Variants in PCDHGA7 observed in about 807,000 individuals in gnomAD.
The protein encoded by PCDHGA7 is protocadherin gamma-A7.
A neutral mutation model predicts 58.3 loss-of-function variants in PCDHGA7; 44 were observed. That is an observed-to-expected ratio of 0.75 (90% CI 0.59 to 0.97). PCDHGA7 has a LOEUF of 0.97. Ranked by LOEUF, PCDHGA7 falls within the 50% of genes least tolerant of loss-of-function variation. The pLI is 0.00. For synonymous variants in PCDHGA7, 516 were observed against 504.2 expected (o/e 1.02, Z -0.31); for missense variants, 1,266 against 1,188.7 (o/e 1.06, Z -0.96).
rs756294828 is a variant in PCDHGA7, at chr5:141,417,904, G to A, written c.2424+32581G>A. 2.5e-6 allele frequency: 4 copies of A among 1,591,934 alleles called. No homozygotes were observed. The South Asian group carries it at 3.4e-5, about 13-fold the overall frequency. On this transcript the variant is annotated intron_variant, in intron 1 of 3. Transcript: ENST00000518325. Reference sequence around the variant, plus strand: ...AGAGGCGCCGGGCCGGCCCGCGGCAGGTACTATTTCCTTTGCTGCTGCCTT... The same window carrying A: ...AGAGGCGCCGGGCCGGCCCGCGGCAAGTACTATTTCCTTTGCTGCTGCCTT...
intron 1 of PCDHGA7, chr5:141,399,976 C>A (rs759278103): frequency 1.2e-6 from 2 of 1,612,122 alleles, no homozygotes; most frequent in African/African-American, 2.7e-5. Context: ...CAGCCTGGGG[C>A]TGCGCACAGG....
intron 1 of PCDHGA7, among the ~76,000 whole-genome samples, chr5:141,435,105 G>C (rs1046201852): frequency 2.6e-5 from 4 of 151,940 alleles, no homozygotes; most frequent in African/African-American, 9.7e-5. Flanking sequence ...TATCTAGGGG[G>C]GAGAAATCTA....
At chr5:141,399,911 G>T in intron 1 of PCDHGA7, 1 of 1,612,384 alleles carries the variant, frequency 6.2e-7, no homozygotes. Flanking sequence ...GCAGACTCAG[G>T]ACACAACGCC....
At chr5:141,410,849 C>CTTGTTTTTTTTTTTTTTT (rs2095431880) in intron 1 of PCDHGA7, 1 of 129,786 alleles carries the variant, frequency 7.7e-6, no homozygotes, top group African/African-American at 6.0e-5. Context: ...TTGTCTTTGT[C>CTTGTTTTTTTTTTTTTTT]TTTTTTTTTT....
At chr5:141,467,393 T>C (rs1409255781) in intron 1 of PCDHGA7, among the ~76,000 whole-genome samples, 3 of 152,124 alleles carry the variant, frequency 2.0e-5, no homozygotes, top group African/African-American at 7.2e-5. Flanking sequence ...TTTTAAGTCA[T>C]AGTTAGAAAG....
intron 1 of PCDHGA7, among the ~76,000 whole-genome samples, chr5:141,457,465 A>G (rs915755113): frequency 1.3e-5 from 2 of 152,194 alleles, no homozygotes; most frequent in African/African-American, 2.4e-5. Context: ...GATTCACAGG[A>G]ATAAGCAGGG....
rs748189764 is a variant in PCDHGA7 at position 141,404,578 on chromosome 5, T to G, written c.2424+19255T>G. 1.9e-6 allele frequency: 3 copies of G among 1,613,950 alleles called. No homozygotes were observed. The Admixed American group carries it at 5.0e-5, about 27-fold the overall frequency. On this transcript the variant is annotated intron_variant, in intron 1 of 3. Coordinates refer to ENST00000518325, the MANE Select transcript of PCDHGA7 (RefSeq NM_018920.4). ...CAAGTGACAGTGGAAGCCCACCACTTAGCAGCAATGTGTCATTGAGACTGT... is the reference window on the plus strand; with the variant it reads ...CAAGTGACAGTGGAAGCCCACCACTGAGCAGCAATGTGTCATTGAGACTGT...
intron 1 of PCDHGA7, among the ~76,000 whole-genome samples, chr5:141,473,090 T>C (rs1426311051): frequency 3.9e-5 from 6 of 152,064 alleles, no homozygotes; most frequent in African/African-American, 1.4e-4. Context: ...TTATCCACTG[T>C]GAGTTGTATT....
rs145897132 is a variant in PCDHGA7, at chr5:141,395,374, T to C, written c.2424+10051T>C. The stretch of plus-strand genomic sequence containing the variant: ...CAGAGTTTTGGGTTTATTTTGGTGG[T>C]GTTACTATAAAATTGAACTCTAATA... On this transcript the variant is annotated intron_variant, in intron 1 of 3. Coordinates refer to ENST00000518325, the MANE Select transcript of PCDHGA7 (RefSeq NM_018920.4). 327 of 1,187,896 alleles carry C rather than the reference T, an allele frequency of 2.8e-4. 1 individual carries two copies. The African/African-American group carries it at 4.3e-3, about 16-fold the overall frequency. The allele number at this position is 1,187,896 out of a possible 1,614,324, so 73.6% of individuals were successfully genotyped here.
chr5:141,430,399 T>G (rs2097282187), intron 1 of PCDHGA7, among the ~76,000 whole-genome samples: 1 of 150,106 alleles, frequency 6.7e-6, no homozygotes, highest in Admixed American at 6.6e-5. Flanking sequence ...AAAAAAAAGC[T>G]CACTAAAGTT....
At chr5:141,426,825 A>G (rs747894160) in intron 1 of PCDHGA7, 26 of 456,582 alleles carry the variant, frequency 5.7e-5, no homozygotes, top group Non-Finnish European at 9.3e-5. Context: ...CTCTCTGATG[A>G]TGGACAAGAC....
chr5:141,408,904 T>C (rs779095615), intron 1 of PCDHGA7: 14 of 1,613,246 alleles, frequency 8.7e-6, no homozygotes, highest in Admixed American at 3.3e-5. Flanking sequence ...CTGTCAAGGA[T>C]ACCAATGATA....
intron 1 of PCDHGA7, among the ~76,000 whole-genome samples, chr5:141,484,819 G>A (rs2099601374): frequency 1.3e-5 from 2 of 152,122 alleles, no homozygotes; most frequent in Admixed American, 1.3e-4. Flanking sequence ...GCCGTTGAGC[G>A]GGAGGAAGGC....
intron 1 of PCDHGA7, among the ~76,000 whole-genome samples, chr5:141,406,983 A>G (rs997882236): frequency 6.6e-6 from 1 of 152,250 alleles, no homozygotes; most frequent in Non-Finnish European, 1.5e-5. Context: ...AACATTTCAC[A>G]AGACATTTGA....
chr5:141,453,101 T>TTTCTG (rs1554138035), intron 1 of PCDHGA7, among the ~76,000 whole-genome samples: 1 of 152,012 alleles, frequency 6.6e-6, no homozygotes, highest in Non-Finnish European at 1.5e-5. Context: ...TTCTGTTGCT[T>TTTCTG]TTTTGTTTTG....
In PCDHGA7 at chr5:141,511,599, C is replaced by G; in HGVS notation, c.*426C>G. 4.0e-6 allele frequency: 1 copy of G among 252,540 alleles called. No homozygotes were observed. Among genetic ancestry groups the G allele is most frequent in the South Asian group, 5.2e-5 (1 of 19,398 alleles). 15.6% of individuals were successfully genotyped at this position (252,540 alleles called of 1,614,324 possible). ...GTTGGGGTGTTGAAGTACCAAGTAA[C>G]CTACAAGCCTCCTAGTTCTGAAAAG... On this transcript the variant is annotated 3_prime_UTR_variant, in exon 4 of 4. Coordinates refer to ENST00000518325, the MANE Select transcript of PCDHGA7 (RefSeq NM_018920.4).
chr5:141,489,635 G>T lies in PCDHGA7; in HGVS notation c.2425-5172G>T, dbSNP rs1380466520. On this transcript the variant is annotated intron_variant, in intron 1 of 3. Coordinates refer to ENST00000518325, the MANE Select transcript of PCDHGA7 (RefSeq NM_018920.4). This position sits in a 1 kb window ranked among gnomAD's most constrained non-coding sequence, Gnocchi z 4.5. ...CTGGATCTCAATGACAACTCTCCTA[G>T]CTTTGCCACCCCTGAGCGAGAGATG... 1.2e-6 allele frequency: 2 copies of T among 1,614,024 alleles called. No homozygotes were observed. The highest frequency in any genetic ancestry group is 2.7e-5 in the African/African-American group (2 of 74,908).
Position 141,476,129 on chromosome 5 carries a change from G to A in PCDHGA7, c.2425-18678G>A. ...GCTTTTGAGTGAGATGGTCCCAGAG[G>A]CCTGGAGGAGCGGACTGGTAAGCAC... On this transcript the variant is annotated intron_variant, in intron 1 of 3. Transcript: ENST00000518325. This position sits in a 1 kb window ranked among gnomAD's most constrained non-coding sequence, Gnocchi z 7.6. The A allele has an allele frequency of 6.2e-7, 1 of 1,606,848 alleles. No homozygotes were observed. The highest frequency in any genetic ancestry group is 8.5e-7 in the Non-Finnish European group (1 of 1,177,814).
At chr5:141,388,941 C>A (rs191165529) in intron 1 of PCDHGA7, 1 of 1,613,962 alleles carries the variant, frequency 6.2e-7, no homozygotes, top group South Asian at 1.1e-5. Context: ...TCTACCCAAC[C>A]TAATTATGGA....
Sources: gnomAD v4.1 joint callset for allele counts (sites outside exome capture counted in the v4.1 genomes callset) on GRCh38, gnomAD v4.1.1 for gene constraint, Gnocchi (gnomAD v3.1) non-coding constraint, MANE v1.5 for transcripts, NCBI Gene and HGNC (gene_info 2026-07-23, HGNC 2026-07-21) for gene names.